The following TMEM14B variants were observed in gnomAD, a reference collection of about 807,000 sequenced individuals.
TMEM14B encodes transmembrane protein 14B.
Under a neutral mutation model 14.8 loss-of-function variants are expected in TMEM14B, and 9 were observed. The observed-to-expected ratio is 0.61, with a 90% confidence interval of 0.37 to 1.06. TMEM14B has a LOEUF of 1.06. Among genes scored for constraint, TMEM14B ranks in the 50% least tolerant of loss-of-function variants. The pLI is 0.01. For missense variants in TMEM14B, 128 were observed against 143.6 expected (o/e 0.89, Z 0.56); for synonymous variants, 40 against 51.3 (o/e 0.78, Z 0.94).
chr6:10,752,533 T>A (rs1771631595), intron 4 of TMEM14B, among the ~76,000 whole-genome samples: 1 of 147,110 alleles, frequency 6.8e-6, no homozygotes, highest in African/African-American at 2.5e-5. Context: ...CTTGGCTCAC[T>A]GCAACCTCCG....
Position 10,749,649 on chromosome 6 carries a change from C to G in TMEM14B, c.51C>G (p.Gly17=), listed in dbSNP as rs1321332715. Residue 17 remains glycine (G), a synonymous_variant, in exon 3 of 6, where the codon GGC becomes GGG. Transcript: ENST00000379542. ...TGCCTTTGCATTGGTTTGGCTTTGGCTACACAGCACTGGTTGTTTCTGGTG... is the reference window on the plus strand; with the variant it reads ...TGCCTTTGCATTGGTTTGGCTTTGGGTACACAGCACTGGTTGTTTCTGGTG... ...PLVPLHWFGF[G]YTALVVSGGI... 1 of 1,614,232 alleles carries G rather than the reference C, an allele frequency of 6.2e-7. No individual in the cohort carries two copies. Among genetic ancestry groups the G allele is most frequent in the Non-Finnish European group, 8.5e-7 (1 of 1,180,054 alleles).
chr6:10,748,770 G>A (rs749982401), intron 1 of TMEM14B, among the ~76,000 whole-genome samples: 1 of 152,046 alleles, frequency 6.6e-6, no homozygotes, highest in African/African-American at 2.4e-5. Context: ...AAAAAAAATT[G>A]AGTATTGAAA....
intron 2 of TMEM14B, 119 bp from the exon 3 acceptor site, chr6:10,749,503 C>T: frequency 8.1e-7 from 1 of 1,238,776 alleles, no homozygotes; most frequent in Non-Finnish European, 1.2e-6. Flanking sequence ...GTGATAGTAC[C>T]TGTGGGCACA....
chr6:10,755,721 A>C, intron 5 of TMEM14B: 9 of 970,794 alleles, frequency 9.3e-6, no homozygotes, highest in Non-Finnish European at 1.1e-5. Context: ...GTGGGAGGCC[A>C]TGGCGGGCAT....
chr6:10,755,306 A>C (rs1561916072), intron 5 of TMEM14B, 74 bp downstream of exon 5: 1 of 1,605,626 alleles, frequency 6.2e-7, no homozygotes, highest in East Asian at 2.2e-5. Flanking sequence ...TGCATTCAAA[A>C]CCTTACTTGT....
At chr6:10,748,988 A>C (rs1449675755) in intron 1 of TMEM14B, among the ~76,000 whole-genome samples, 1 of 152,210 alleles carries the variant, frequency 6.6e-6, no homozygotes, top group African/African-American at 2.4e-5. Context: ...AATGATCGGC[A>C]TCTGTTCAGG....
chr6:10,747,840 C>G lies in TMEM14B; in HGVS notation c.-86C>G, dbSNP rs1311153064. ...CCGGAGAGACCTGGCTGCTGTGTCC[C>G]GCGGCTTGCGCTCCGTAGTGGACTC... On this transcript the variant is annotated 5_prime_UTR_variant, in exon 1 of 6. Coordinates refer to ENST00000379542, the MANE Select transcript of TMEM14B (RefSeq NM_030969.5). 1 of 152,304 alleles carries G rather than the reference C, an allele frequency of 6.6e-6. No homozygotes were observed. Among genetic ancestry groups the G allele is most frequent in the Admixed American group, 6.5e-5 (1 of 15,292 alleles). The allele number at this position is 152,304 out of a possible 1,614,324, so 9.4% of individuals were successfully genotyped here.
intron 3 of TMEM14B, among the ~76,000 whole-genome samples, chr6:10,750,204 T>C (rs116006182): frequency 0.02 from 2,969 of 151,914 alleles, 93 homozygotes; most frequent in African/African-American, 0.06. Flanking sequence ...CCCTATTTCC[T>C]TCTGCTTTTG....
intron 5 of TMEM14B, chr6:10,755,674 G>T (rs1771777797): frequency 1.9e-6 from 2 of 1,073,780 alleles, no homozygotes; most frequent in African/African-American, 1.7e-5. Flanking sequence ...GTAGTTGTAG[G>T]CCAGGCACGG....
downstream of TMEM14B, among the ~76,000 whole-genome samples, chr6:10,757,660 A>G (rs927669205): frequency 2.0e-5 from 3 of 152,208 alleles, no homozygotes; most frequent in African/African-American, 7.2e-5. Context: ...AATTAACTCA[A>G]TCTGGTGCCC....
chr6:10,759,063 TGTG>T (rs1382861215), downstream of TMEM14B: 3 of 180,820 alleles, frequency 1.7e-5, no homozygotes, highest in Non-Finnish European at 3.6e-5. Context: ...GGATTTCAGG[TGTG>T]CACCACCACA....
rs1229014706 is a variant in TMEM14B, at chr6:10,751,169, G to T, written c.137G>T (p.Gly46Val). 1 of 1,613,978 alleles carries T rather than the reference G, an allele frequency of 6.2e-7. No individual in the cohort carries two copies. ...TCCCTGGCTGCAGGGCTGCTCTTCGGCAGTCTAGCCGGCCTGGGTGCTTAC... is the reference window on the plus strand; with the variant it reads ...TCCCTGGCTGCAGGGCTGCTCTTCGTCAGTCTAGCCGGCCTGGGTGCTTAC... ...VPSLAAGLLF[G>V]SLAGLGAYQL... The change falls in exon 4 of 6, where the codon GGC becomes GTC. Residue 46 changes from glycine to valine, a missense_variant. Physicochemically the swap from Gly to Val is moderately radical, Grantham distance 109. Transcript: ENST00000379542.
downstream of TMEM14B, among the ~76,000 whole-genome samples, chr6:10,758,720 C>G (rs140622870): frequency 7.2e-5 from 11 of 152,198 alleles, no homozygotes; most frequent in Admixed American, 3.9e-4. Flanking sequence ...CACAAAGGAA[C>G]CAACAGTTAA....
rs57806113 is a variant in TMEM14B at position 10,756,630 on chromosome 6, TAA to T, written c.*122_*123del. 164 of 1,129,902 alleles carry T rather than the reference TAA, an allele frequency of 1.5e-4. No homozygotes were observed. Among genetic ancestry groups the T allele is most frequent in the Admixed American group, 2.7e-4 (8 of 29,856 alleles). 70.0% of individuals were successfully genotyped at this position (1,129,902 alleles called of 1,614,324 possible). On this transcript the variant is annotated 3_prime_UTR_variant, in exon 6 of 6. Transcript: ENST00000379542. ...GCATTTTTGCATCTGACATTTTACC[TAA>T]AAAAAAAAAGACACCAAATTTGGCG...
chr6:10,756,318 A>T, intron 5 of TMEM14B, 149 bp from the exon 6 acceptor site: 1 of 786,270 alleles, frequency 1.3e-6, no homozygotes, highest in Non-Finnish European at 1.9e-6. Context: ...TGGTTCCCCC[A>T]GGGATGGAAA....
At chr6:10,759,709 AAGC>A (rs1474695644), downstream of TMEM14B, 1 of 152,216 alleles carries the variant, frequency 6.6e-6, no homozygotes, top group Non-Finnish European at 1.5e-5. Flanking sequence ...TGTAGAATGA[AAGC>A]AGCCACAGCC....
At chr6:10,753,995 C>T (rs373031832) in intron 4 of TMEM14B, among the ~76,000 whole-genome samples, 2 of 152,110 alleles carry the variant, frequency 1.3e-5, no homozygotes, top group African/African-American at 4.8e-5. Context: ...AACTCTGGGC[C>T]GGTTGCGGTG....
At chr6:10,755,823 G>A in intron 5 of TMEM14B, 1 of 252,760 alleles carries the variant, frequency 4.0e-6, no homozygotes, top group Non-Finnish European at 6.3e-6. Flanking sequence ...GTGCGGTGGT[G>A]CACGCCTGTA....
chr6:10,751,624 C>T (rs1349124961), intron 4 of TMEM14B, among the ~76,000 whole-genome samples: 2 of 152,034 alleles, frequency 1.3e-5, no homozygotes, highest in Admixed American at 1.3e-4. Flanking sequence ...TGAGGTTTTC[C>T]GCTGAAGACC....
Sources: gnomAD v4.1 joint callset for allele counts (sites outside exome capture counted in the v4.1 genomes callset) on GRCh38, gnomAD v4.1.1 for gene constraint, MANE v1.5 for transcripts, NCBI Gene and HGNC (gene_info 2026-07-23, HGNC 2026-07-21) for gene names.